ANGEL1: variants seen among roughly 807,000 people sequenced by gnomAD.
ANGEL1 encodes RNA 2',3'-cyclic phosphatase ANGEL1.
A neutral mutation model predicts 76.4 loss-of-function variants in ANGEL1; 62 were observed. The observed-to-expected ratio is 0.81, with a 90% confidence interval of 0.66 to 1.00. The LOEUF is 1.00. ANGEL1 is among the 50% of genes least tolerant of loss of function. The pLI is 0.00. For missense variants in ANGEL1, 737 were observed against 836.7 expected (o/e 0.88, Z 1.47); for synonymous variants, 340 against 331.7 (o/e 1.03, Z -0.27).
chr14:76,809,694 C>T (rs373350310), intron 1 of ANGEL1, 51 bp from the exon 2 acceptor site: 10 of 1,470,374 alleles, frequency 6.8e-6, no homozygotes, highest in African/African-American at 5.6e-5. Flanking sequence ...CCAACCCACA[C>T]TATTCTCCCA....
At chr14:76,792,740 TTCTC>T (rs1171750505) in intron 7 of ANGEL1, among the ~76,000 whole-genome samples, 1 of 152,122 alleles carries the variant, frequency 6.6e-6, no homozygotes, top group Non-Finnish European at 1.5e-5. Context: ...GAAGAAAACT[TTCTC>T]AATCTGATAA....
At position 76,812,398 on chromosome 14, in the gene ANGEL1, G is replaced by A. The variant is rs536646402; in HGVS notation, c.64+366C>T. ...AGAATTTGGGCACTCGCCTAGGTCC[G>A]AGCTACTACCCCTTCCCGACCCGCC... is the stretch of plus-strand genomic sequence containing the variant. On this transcript the variant is annotated intron_variant, in intron 1 of 9. Transcript: ENST00000251089. 3.0e-4 allele frequency: 325 copies of A among 1,080,566 alleles called. 3 individuals are homozygous for A. In the South Asian group the frequency reaches 0.013, roughly 43 times the overall value. The allele number at this position is 1,080,566 out of a possible 1,614,324, so 66.9% of individuals were successfully genotyped here.
chr14:76,804,506 C>T (rs1219820230), intron 5 of ANGEL1: 1 of 943,014 alleles, frequency 1.1e-6, no homozygotes, highest in African/African-American at 1.8e-5. Context: ...CCCTTTATGC[C>T]ATTTAACAAC....
At position 76,787,319 on chromosome 14, in the gene ANGEL1, A is replaced by G. The variant is rs146879462; in HGVS notation, c.*1909T>C. ...TTTAAAACCCCATTTCACTTTCAAA[A>G]CAGAAACAAGAAAGCAAGGAAAAGA... On this transcript the variant is annotated 3_prime_UTR_variant, in exon 10 of 10. Coordinates refer to ENST00000251089, the MANE Select transcript of ANGEL1 (RefSeq NM_015305.4). 2.0e-3 allele frequency: 312 copies of G among 152,370 alleles called. 2 individuals are homozygous for G. The highest frequency in any genetic ancestry group is 7.3e-3 in the African/African-American group (304 of 41,580). 9.4% of individuals were successfully genotyped at this position (152,370 alleles called of 1,614,324 possible). A position where few individuals can be genotyped will look rare whatever the true frequency, so the allele number is the denominator to read the frequency against.
At chr14:76,799,275 CTCCTTT>C (rs1317281026) in intron 7 of ANGEL1, among the ~76,000 whole-genome samples, 6 of 108,748 alleles carry the variant, frequency 5.5e-5, no homozygotes, top group East Asian at 6.9e-4. Context: ...CATTCATGGC[CTCCTTT>C]TTTTTTTTTT....
chr14:76,790,168 C>T (rs1894361662), intron 9 of ANGEL1, among the ~76,000 whole-genome samples: 1 of 152,052 alleles, frequency 6.6e-6, no homozygotes, highest in Non-Finnish European at 1.5e-5. Context: ...CGTGCCTGGC[C>T]ATAACAGTAA....
chr14:76,796,345 C>A (rs953399561), intron 7 of ANGEL1, among the ~76,000 whole-genome samples: 25 of 151,136 alleles, frequency 1.7e-4, no homozygotes, highest in African/African-American at 6.1e-4. Context: ...ACCTTCCGGG[C>A]TCAAGTTATC....
Position 76,809,456 on chromosome 14 carries a change from T to C in ANGEL1, c.252A>G (p.Lys84=). Residue 84 remains lysine (K), a synonymous_variant, in exon 2 of 10, where the codon AAA becomes AAG. Coordinates refer to ENST00000251089, the MANE Select transcript of ANGEL1 (RefSeq NM_015305.4). ...GTGCCAGGCTGCTCTGGGCTAGTCC[T>C]TTATCTATAAGGGGCCCCTCACTTG... The part of the protein sequence containing the change: ...STASEGPLID[K]GLAQSSLALL... 4 of 1,614,180 alleles carry C rather than the reference T, an allele frequency of 2.5e-6. No homozygotes were observed. Among genetic ancestry groups the C allele is most frequent in the Non-Finnish European group, 3.4e-6 (4 of 1,180,026 alleles).
In ANGEL1 at chr14:76,795,356, A is replaced by G. The variant is rs954563869; in HGVS notation, c.1619-3990T>C. 2.0e-5 allele frequency among the ~76,000 whole-genome samples: 3 copies of G among 152,154 alleles called. No homozygotes were observed. The South Asian group carries it at 6.2e-4, about 31-fold the overall frequency. On this transcript the variant is annotated intron_variant, in intron 7 of 9. Transcript: ENST00000251089. ...ACTTCTACTAAACTTCAGTTGGTCTATGGTATATTGGTCTTTCAATATGCT... is the reference window on the plus strand; with the variant it reads ...ACTTCTACTAAACTTCAGTTGGTCTGTGGTATATTGGTCTTTCAATATGCT...
intron 5 of ANGEL1, among the ~76,000 whole-genome samples, 186 bp downstream of exon 5, chr14:76,806,230 A>G (rs779156046): frequency 1.3e-5 from 2 of 152,242 alleles, no homozygotes; most frequent in African/African-American, 2.4e-5. Flanking sequence ...AAATTCCAAT[A>G]TGCCGAAGTA....
rs1312275472 is a variant in ANGEL1 at position 76,789,033 on chromosome 14, G to T, written c.*195C>A. ...GGCACAGGATTAGGAAGAGGCTGGG[G>T]TGGGGCAAGGACCACAGGCAGAGAA... is the stretch of plus-strand genomic sequence containing the variant. On this transcript the variant is annotated 3_prime_UTR_variant, in exon 10 of 10. Coordinates refer to ENST00000251089, the MANE Select transcript of ANGEL1 (RefSeq NM_015305.4). 1.5e-5 allele frequency: 10 copies of T among 684,154 alleles called. No individual in the cohort carries two copies. The highest frequency in any genetic ancestry group is 1.9e-5 in the Non-Finnish European group (8 of 413,780). The allele number at this position is 684,154 out of a possible 1,614,324, so 42.4% of individuals were successfully genotyped here.
intron 2 of ANGEL1, among the ~76,000 whole-genome samples, chr14:76,808,395 T>C (rs1203918934): frequency 1.3e-5 from 2 of 152,040 alleles, no homozygotes; most frequent in African/African-American, 4.8e-5. Flanking sequence ...TAATAGATGC[T>C]CCATATATGG....
chr14:76,806,400 G>C lies in ANGEL1; in HGVS notation c.1380+16C>G, dbSNP rs1894919077. On this transcript the variant is annotated intron_variant, in intron 5 of 9. Coordinates refer to ENST00000251089, the MANE Select transcript of ANGEL1 (RefSeq NM_015305.4). The stretch of plus-strand genomic sequence containing the variant: ...AGACCATGTTCCCACCCACACCGTG[G>C]CCTCTCCCATTTCACCTTCCAGGCT... 1 of 1,603,796 alleles carries C rather than the reference G, an allele frequency of 6.2e-7. No individual in the cohort carries two copies. Among genetic ancestry groups the C allele is most frequent in the Non-Finnish European group, 8.5e-7 (1 of 1,173,290 alleles).
At chr14:76,812,657 C>T in intron 1 of ANGEL1, 107 bp downstream of exon 1, 1 of 1,368,682 alleles carries the variant, frequency 7.3e-7, no homozygotes, top group Non-Finnish European at 9.4e-7. Context: ...CTGCCCGGGG[C>T]ACGGTAGTCG....
intron 1 of ANGEL1, chr14:76,810,309 T>C (rs1383972683): frequency 2.1e-5 from 9 of 427,720 alleles, no homozygotes; most frequent in Middle Eastern, 8.7e-4. Context: ...TGGTCCTAGC[T>C]ACTTGGGAGG....
Position 76,812,415 on chromosome 14 carries a change from C to A in ANGEL1, c.64+349G>T, listed in dbSNP as rs561261639. ...CTAGGTCCGAGCTACTACCCCTTCC[C>A]GACCCGCCGGGGTGCTGACTTGGCC... is the stretch of plus-strand genomic sequence containing the variant. On this transcript the variant is annotated intron_variant, in intron 1 of 9. Coordinates refer to ENST00000251089, the MANE Select transcript of ANGEL1 (RefSeq NM_015305.4). 1.2e-5 allele frequency: 13 copies of A among 1,112,964 alleles called. No individual in the cohort carries two copies. The South Asian group carries it at 5.6e-4, about 48-fold the overall frequency. The allele number at this position is 1,112,964 out of a possible 1,614,324, so 68.9% of individuals were successfully genotyped here.
intron 1 of ANGEL1, among the ~76,000 whole-genome samples, chr14:76,810,907 A>G (rs930647431): frequency 1.3e-5 from 2 of 152,234 alleles, no homozygotes; most frequent in African/African-American, 4.8e-5. Flanking sequence ...AGTAACATGC[A>G]CGATGCTGGC....
chr14:76,791,357 G>A lies in ANGEL1; in HGVS notation c.1628C>T (p.Ala543Val), dbSNP rs374258511. 20 of 1,613,796 alleles carry A rather than the reference G, an allele frequency of 1.2e-5. No homozygotes were observed. The highest frequency in any genetic ancestry group is 3.3e-4 in the Middle Eastern group (2 of 6,080). ...GVTDTKPERP[A>V]GWAESVLEED... ...CTCAAGGACAGACTCAGCCCAACCC[G>A]CAGGTCGCTCTGCAGAGGACCAGAG... is the stretch of plus-strand genomic sequence containing the variant. Residue 543 changes from alanine (A) to valine (V), a missense_variant, in exon 8 of 10, where the codon GCG (alanine) becomes GTG (valine). Ala to Val is a moderately conservative substitution (Grantham distance 64). Coordinates refer to ENST00000251089, the MANE Select transcript of ANGEL1 (RefSeq NM_015305.4).
rs1339479362 is a variant in ANGEL1, at chr14:76,791,277, AGAG to A, written c.1688+17_1688+19del. On this transcript the variant is annotated intron_variant, in intron 8 of 9. Transcript: ENST00000251089. The stretch of plus-strand genomic sequence containing the variant: ...AGGCAAGGGCTGGATTGAAAACAGA[AGAG>A]AACTGGAGAAGGTTACCTGGAGAAG... 2.5e-6 allele frequency: 4 copies of A among 1,610,700 alleles called. 1 individual carries two copies. In the South Asian group the frequency reaches 4.4e-5, roughly 18 times the overall value.
Sources: allele counts gnomAD v4.1 joint callset (sites outside exome capture counted in the v4.1 genomes callset), GRCh38; gene constraint gnomAD v4.1.1; transcripts MANE v1.5; gene names NCBI Gene and HGNC (gene_info 2026-07-23, HGNC 2026-07-21).